The following ADGRB1 variants were observed in gnomAD, a reference collection of about 807,000 sequenced individuals.
ADGRB1 encodes adhesion G protein-coupled receptor B1, also known as brain-specific angiogenesis inhibitor 1.
A neutral mutation model predicts 175.7 loss-of-function variants in ADGRB1; 36 were observed. That is an observed-to-expected ratio of 0.20 (90% CI 0.16 to 0.27). The LOEUF is 0.27. ADGRB1 is among the 10% of genes least tolerant of loss of function. ADGRB1 has a pLI of 1.00. For synonymous variants in ADGRB1, 1,054 were observed against 979.4 expected (o/e 1.08, Z -1.42); for missense variants, 1,731 against 2,255.3 (o/e 0.77, Z 4.71).
At chr8:142,506,090 G>A (rs976657474) in intron 17 of ADGRB1, among the ~76,000 whole-genome samples, 7 of 152,368 alleles carry the variant, frequency 4.6e-5, no homozygotes, top group Admixed American at 2.6e-4. Context: ...TGTGAGCAGC[G>A]TGCTGACTGA....
intron 18 of ADGRB1, among the ~76,000 whole-genome samples, chr8:142,516,110 G>A (rs112037639): frequency 3.3e-5 from 5 of 152,192 alleles, no homozygotes; most frequent in Admixed American, 6.5e-5. Context: ...CCCTGGAGGC[G>A]AGTGCCAGGT....
At chr8:142,502,042 TGGTG>T (rs1842592944) in intron 17 of ADGRB1, among the ~76,000 whole-genome samples, 1 of 26,050 alleles carries the variant, frequency 3.8e-5, no homozygotes, top group Non-Finnish European at 8.1e-5. Flanking sequence ...ACAGTGGTGG[TGGTG>T]ATGGTGGTCG....
chr8:142,453,042 CCGCTCGCTCGCTCGCT>C (rs528898967), intron 1 of ADGRB1, among the ~76,000 whole-genome samples: 1 of 142,382 alleles, frequency 7.0e-6, no homozygotes, highest in Admixed American at 6.9e-5. Flanking sequence ...GCCCGCCCGC[CCGCTCGCTCGCTCGCT>C]CGCCGTCCGC....
In ADGRB1 at chr8:142,516,729, T is replaced by A. The variant is rs1472199606; in HGVS notation, c.2818-1409T>A. ...CATGTGTGCGGGCCCCAGGTGTGTGTCTGTGTGTGGGTCCCAGGTGCGTGT... is the reference window on the plus strand; with the variant it reads ...CATGTGTGCGGGCCCCAGGTGTGTGACTGTGTGTGGGTCCCAGGTGCGTGT... On this transcript the variant is annotated intron_variant, in intron 18 of 30. Coordinates refer to ENST00000517894, the MANE Select transcript of ADGRB1 (RefSeq NM_001702.3). Among the ~76,000 whole-genome samples, 3 of 150,036 alleles carry A rather than the reference T, an allele frequency of 2.0e-5. No homozygotes were observed. In the East Asian group the frequency reaches 5.9e-4, roughly 30 times the overall value.
chr8:142,466,102 T>C (rs1255655016), intron 2 of ADGRB1, among the ~76,000 whole-genome samples: 1 of 152,122 alleles, frequency 6.6e-6, no homozygotes, highest in East Asian at 1.9e-4. Flanking sequence ...GGTGTTAGCA[T>C]CTGGGAAGAT....
intron 27 of ADGRB1, among the ~76,000 whole-genome samples, chr8:142,541,274 T>TTTG (rs1845255631): frequency 6.6e-6 from 1 of 151,966 alleles, no homozygotes; most frequent in Non-Finnish European, 1.5e-5. Context: ...TGGCAGGAAG[T>TTTG]CGGGGGCAAA....
At chr8:142,532,582 G>C (rs1844687831) in intron 24 of ADGRB1, among the ~76,000 whole-genome samples, 1 of 152,108 alleles carries the variant, frequency 6.6e-6, no homozygotes, top group African/African-American at 2.4e-5. Flanking sequence ...CTGTCAGTCT[G>C]TCTGTTGCCG....
At chr8:142,539,493 C>T in intron 27 of ADGRB1, 80 bp downstream of exon 27, 1 of 1,501,842 alleles carries the variant, frequency 6.7e-7, no homozygotes, top group East Asian at 2.4e-5. Context: ...CTGTGCCTCC[C>T]CCACATCACC....
chr8:142,459,136 G>T (rs1344991889), intron 1 of ADGRB1, among the ~76,000 whole-genome samples: 4 of 152,220 alleles, frequency 2.6e-5, no homozygotes, highest in Non-Finnish European at 5.9e-5. Flanking sequence ...TGGGCTCAGG[G>T]GTCAGCCCGG....
rs1841945323 is a variant in ADGRB1 at position 142,490,821 on chromosome 8, T to C, written c.2675+6T>C. The C allele has an allele frequency of 6.3e-6, 10 of 1,579,152 alleles. No individual in the cohort carries two copies. The highest frequency in any genetic ancestry group is 7.7e-6 in the Non-Finnish European group (9 of 1,162,182). On this transcript the variant is annotated splice_donor_region_variant and intron_variant, in intron 17 of 30. Coordinates refer to ENST00000517894, the MANE Select transcript of ADGRB1 (RefSeq NM_001702.3). The stretch of plus-strand genomic sequence containing the variant: ...CTGTGGGATGAGACGGATGTGTAAG[T>C]TCACTTGGATTTCATGGCCGTGGGG...
intron 17 of ADGRB1, among the ~76,000 whole-genome samples, chr8:142,500,470 CGTG>C (rs949085942): frequency 6.7e-6 from 1 of 149,796 alleles, no homozygotes; most frequent in Non-Finnish European, 1.5e-5. Context: ...AGTCATGCCT[CGTG>C]GGGGCGAGGG....
At chr8:142,463,603 C>T (rs1196826107) in intron 1 of ADGRB1, among the ~76,000 whole-genome samples, 3 of 152,258 alleles carry the variant, frequency 2.0e-5, no homozygotes, top group Admixed American at 6.5e-5. Flanking sequence ...GGGGCAGCCA[C>T]GCAGAGCGTG....
At chr8:142,469,425 A>G (rs1292173878) in intron 2 of ADGRB1, among the ~76,000 whole-genome samples, 2 of 136,538 alleles carry the variant, frequency 1.5e-5, no homozygotes, top group Admixed American at 7.3e-5. Flanking sequence ...GAGTGTGTGC[A>G]CGTGTGAATG....
In ADGRB1 at chr8:142,504,042, C is replaced by T. The variant is rs1156252055; in HGVS notation, c.2676-6890C>T. ...AAGCCTGAGCAGGCTCCAGCGTCAT[C>T]TGGCAAGCTGGGTTCAGTAAGACCC... On this transcript the variant is annotated intron_variant, in intron 17 of 30. Transcript: ENST00000517894. The surrounding 1 kb of genome is among the most constrained non-coding windows in gnomAD (Gnocchi z 5.6). Among the ~76,000 whole-genome samples the T allele has an allele frequency of 6.6e-6, 1 of 152,220 alleles. No homozygotes were observed. The highest frequency in any genetic ancestry group is 2.4e-5 in the African/African-American group (1 of 41,462).
chr8:142,510,642 C>T lies in ADGRB1; in HGVS notation c.2676-290C>T, dbSNP rs1427785759. Among the ~76,000 whole-genome samples the T allele has an allele frequency of 6.9e-6, 1 of 145,830 alleles. No homozygotes were observed. The highest frequency in any genetic ancestry group is 6.8e-5 in the Admixed American group (1 of 14,718). ...GACTGCCGGGCCCCGGGCCAGCTCT[C>T]GCCCCCCGCCCCGCCCCCGATCGCT... On this transcript the variant is annotated intron_variant, in intron 17 of 30. Transcript: ENST00000517894. The surrounding 1 kb of genome is among the most constrained non-coding windows in gnomAD (Gnocchi z 6.3).
chr8:142,540,741 C>T (rs1845222178), intron 27 of ADGRB1, among the ~76,000 whole-genome samples: 1 of 151,850 alleles, frequency 6.6e-6, no homozygotes, highest in African/African-American at 2.4e-5. Context: ...GACGTGCGTC[C>T]CGAGAGTGCT....
At chr8:142,472,132 C>T (rs534471300) in intron 2 of ADGRB1, among the ~76,000 whole-genome samples, 2 of 152,290 alleles carry the variant, frequency 1.3e-5, no homozygotes, top group East Asian at 1.9e-4. Flanking sequence ...GAGAACAGCC[C>T]GGAAGCTAGG....
intron 18 of ADGRB1, among the ~76,000 whole-genome samples, chr8:142,513,229 C>T (rs994233415): frequency 6.6e-6 from 1 of 152,168 alleles, no homozygotes; most frequent in African/African-American, 2.4e-5. Flanking sequence ...GCCTCAGTGT[C>T]CTCATCTGTG....
chr8:142,496,998 C>T (rs1842247310), intron 17 of ADGRB1, among the ~76,000 whole-genome samples: 2 of 152,198 alleles, frequency 1.3e-5, no homozygotes, highest in African/African-American at 2.4e-5. Flanking sequence ...GGAAGGAGGA[C>T]GTGTGAGAGG....
Sources: allele counts gnomAD v4.1 joint callset (sites outside exome capture counted in the v4.1 genomes callset), GRCh38; gene constraint gnomAD v4.1.1; non-coding constraint Gnocchi (gnomAD v3.1); transcripts MANE v1.5; gene names NCBI Gene and HGNC (gene_info 2026-07-23, HGNC 2026-07-21).